Variants in OTOA observed in about 807,000 individuals in gnomAD.
OTOA encodes cancer/testis antigen 108.
OTOA carries 70 observed loss-of-function variants against 110.8 expected under a neutral mutation model. That is an observed-to-expected ratio of 0.63 (90% CI 0.52 to 0.77). OTOA has a LOEUF of 0.77. OTOA is among the 30% of genes least tolerant of loss of function. The pLI is 0.00. For missense variants in OTOA, 917 were observed against 1,075.8 expected, an observed-to-expected ratio of 0.85 and a Z score of 2.06; for synonymous variants, 373 against 431.5, an observed-to-expected ratio of 0.86 and a Z score of 1.68.
intron 6 of OTOA, 66 bp downstream of exon 6, chr16:21,681,891 A>G (rs1966898979): frequency 6.8e-7 from 1 of 1,480,186 alleles, no homozygotes; most frequent in African/African-American, 1.4e-5. Flanking sequence ...CTCAGGGGCC[A>G]GGTAAGTTGG....
At chr16:21,681,410 G>A (rs1161681950) in intron 5 of OTOA, among the ~76,000 whole-genome samples, 1 of 152,032 alleles carries the variant, frequency 6.6e-6, no homozygotes, top group Non-Finnish European at 1.5e-5. Flanking sequence ...GGGCAACATA[G>A]TGAGACCCCA....
intron 1 of OTOA, among the ~76,000 whole-genome samples, chr16:21,667,230 T>A (rs1317881352): frequency 6.6e-6 from 1 of 152,192 alleles, no homozygotes; most frequent in Non-Finnish European, 1.5e-5. Flanking sequence ...TTCAAAAGTT[T>A]TACTGTTTTT....
At chr16:21,683,414 T>A (rs1428979849) in intron 6 of OTOA, among the ~76,000 whole-genome samples, 1 of 152,128 alleles carries the variant, frequency 6.6e-6, no homozygotes, top group Non-Finnish European at 1.5e-5. Context: ...CAGATGTGAC[T>A]CTGCGTGGTG....
intron 10 of OTOA, among the ~76,000 whole-genome samples, chr16:21,699,496 G>A (rs1381877661): frequency 6.6e-6 from 1 of 151,970 alleles, no homozygotes; most frequent in African/African-American, 2.4e-5. Flanking sequence ...AATTAGCCAG[G>A]TGTAGTGGTG....
chr16:21,728,282 G>A lies in OTOA; in HGVS notation c.2058G>A (p.Gly686=), dbSNP rs2141719147. 1 of 1,614,170 alleles carries A rather than the reference G, an allele frequency of 6.2e-7. No individual in the cohort carries two copies. The highest frequency in any genetic ancestry group is 1.1e-5 in the South Asian group (1 of 91,084). The change falls in exon 20 of 29, where the codon GGG becomes GGA. Residue 686 remains glycine (G), a synonymous_variant. Coordinates refer to ENST00000646100, the MANE Select transcript of OTOA (RefSeq NM_144672.4). The part of the protein sequence containing the change: ...IADEYTVDIM[G]NLLCHLPAAI... ...ATGAGTACACTGTGGACATCATGGGGAACCTGCTGTGTCACTTGCCGGCAG... is the reference window on the plus strand; with the variant it reads ...ATGAGTACACTGTGGACATCATGGGAAACCTGCTGTGTCACTTGCCGGCAG...
intron 13 of OTOA, among the ~76,000 whole-genome samples, chr16:21,711,656 A>C (rs1285043594): frequency 6.6e-6 from 1 of 152,092 alleles, no homozygotes; most frequent in Non-Finnish European, 1.5e-5. Flanking sequence ...TTTAGTAGAG[A>C]CGAGGTTTCG....
chr16:21,720,879 A>G (rs1443333579), intron 17 of OTOA, among the ~76,000 whole-genome samples: 1 of 143,514 alleles, frequency 7.0e-6, no homozygotes, highest in Admixed American at 7.0e-5. Context: ...TTTCTCGTTT[A>G]TATTTTTACT....
intron 10 of OTOA, 37 bp from the exon 11 acceptor site, chr16:21,700,851 C>A (rs1325557270): frequency 1.2e-6 from 2 of 1,613,132 alleles, no homozygotes; most frequent in Admixed American, 3.3e-5. Flanking sequence ...CACTTCCACC[C>A]TCCTCACTGA....
intron 1 of OTOA, among the ~76,000 whole-genome samples, chr16:21,666,877 AC>A (rs751024218): frequency 3.9e-5 from 6 of 152,154 alleles, no homozygotes; most frequent in Non-Finnish European, 8.8e-5. Flanking sequence ...TGGAAAAAGG[AC>A]ATTATGCACA....
At chr16:21,736,427 T>C (rs1389076713) in intron 22 of OTOA, 37 bp downstream of exon 22, 3 of 1,613,674 alleles carry the variant, frequency 1.9e-6, no homozygotes, top group East Asian at 2.2e-5. Context: ...ATTGCTGACA[T>C]AGTAATTAAT....
intron 15 of OTOA, among the ~76,000 whole-genome samples, chr16:21,717,303 T>G (rs980478616): frequency 4.6e-5 from 7 of 151,948 alleles, no homozygotes; most frequent in Non-Finnish European, 1.0e-4. Context: ...TAGCCAGGCA[T>G]GGTGATGCAT....
intron 7 of OTOA, 57 bp downstream of exon 7, chr16:21,685,418 T>C (rs1897695604): frequency 1.3e-6 from 2 of 1,597,284 alleles, no homozygotes; most frequent in Non-Finnish European, 1.7e-6. Context: ...GTGGTGTTTG[T>C]TGAATTGAAT....
chr16:21,670,563 A>G (rs575148674), intron 1 of OTOA, among the ~76,000 whole-genome samples: 2 of 152,200 alleles, frequency 1.3e-5, no homozygotes, highest in Middle Eastern at 3.4e-3. Context: ...GACATAATAT[A>G]GTTATTTGAT....
intron 28 of OTOA, among the ~76,000 whole-genome samples, chr16:21,760,237 T>C (rs1396724336): frequency 6.6e-6 from 1 of 151,860 alleles, no homozygotes; most frequent in Non-Finnish European, 1.5e-5. Flanking sequence ...GATCCTGGAA[T>C]TGGTGTTTCT....
rs143634950 is a variant in OTOA, at chr16:21,687,547, G to A, written c.534G>A (p.Glu178=). The A allele has an allele frequency of 1.9e-6, 3 of 1,613,988 alleles. No homozygotes were observed. Among genetic ancestry groups the A allele is most frequent in the East Asian group, 2.2e-5 (1 of 44,886 alleles). Reference sequence around the variant, plus strand: ...TGCTGAACTCCCTGGAGTGTGTGGAGATCCTGGGCAAGGTGCTGAGGGGGT... The same window carrying A: ...TGCTGAACTCCCTGGAGTGTGTGGAAATCCTGGGCAAGGTGCTGAGGGGGT... ...FQMLNSLECV[E]ILGKVLRGSS... The change falls in exon 8 of 29, where the codon GAG becomes GAA. Residue 178 remains glutamate, a synonymous_variant. Transcript: ENST00000646100.
intron 6 of OTOA, 49 bp from the exon 7 acceptor site, chr16:21,685,181 G>T: frequency 1.2e-6 from 2 of 1,604,852 alleles, no homozygotes. Context: ...CTGACCATGT[G>T]CTCCTGCTCT....
At chr16:21,691,193 A>AT (rs1897822993) in intron 8 of OTOA, among the ~76,000 whole-genome samples, 2 of 151,958 alleles carry the variant, frequency 1.3e-5, no homozygotes, top group African/African-American at 4.8e-5. Flanking sequence ...TATGTGTCAC[A>AT]TTTTCTTAAT....
At chr16:21,676,064 C>T (rs1966857089) in intron 1 of OTOA, among the ~76,000 whole-genome samples, 1 of 152,070 alleles carries the variant, frequency 6.6e-6, no homozygotes, top group African/African-American at 2.4e-5. Context: ...AGTAGTTGGG[C>T]ACCTGCCACA....
At chr16:21,706,848 A>ATTTTTTTTTTTTTTTTTTTTTT (rs34052117) in intron 12 of OTOA, among the ~76,000 whole-genome samples, 1 of 123,360 alleles carries the variant, frequency 8.1e-6, no homozygotes, top group Admixed American at 8.7e-5. Context: ...TATAAGATTC[A>ATTTTTTTTTTTTTTTTTTTTTT]TTTTTTTTTT....
Sources: allele counts gnomAD v4.1 joint callset (sites outside exome capture counted in the v4.1 genomes callset), GRCh38; gene constraint gnomAD v4.1.1; transcripts MANE v1.5; gene names NCBI Gene and HGNC (gene_info 2026-07-23, HGNC 2026-07-21).